Variants in CDH10 observed in about 807,000 individuals in gnomAD.
CDH10 encodes cadherin-10.
A neutral mutation model predicts 73.1 loss-of-function variants in CDH10; 30 were observed. The observed-to-expected ratio is 0.41, with a 90% CI of 0.31 to 0.56. The LOEUF is 0.56. Ranked by LOEUF, CDH10 falls within the 20% of genes least tolerant of loss-of-function variation. The pLI, the probability that CDH10 is intolerant of heterozygous loss-of-function variation, is 0.27. For synonymous variants in CDH10, 345 were observed against 348.2 expected, an observed-to-expected ratio of 0.99 and a Z score of 0.10; for missense variants, 815 against 973.7, an observed-to-expected ratio of 0.84 and a Z score of 2.17.
chr5:24,614,544 C>A (rs926735982), intron 1 of CDH10, among the ~76,000 whole-genome samples: 8 of 152,090 alleles, frequency 5.3e-5, no homozygotes, highest in African/African-American at 1.9e-4. Context: ...ATTGCAGAAG[C>A]CAATAAAATG....
intron 2 of CDH10, among the ~76,000 whole-genome samples, chr5:24,538,489 T>C (rs1744039682): frequency 6.6e-6 from 1 of 152,054 alleles, no homozygotes; most frequent in Non-Finnish European, 1.5e-5. Flanking sequence ...ATCAAAGAGC[T>C]TTGCATGCCT....
intron 2 of CDH10, among the ~76,000 whole-genome samples, chr5:24,579,505 C>A (rs35000708): frequency 6.6e-6 from 1 of 151,972 alleles, no homozygotes; most frequent in Non-Finnish European, 1.5e-5. Context: ...ACTTTTTCTC[C>A]CTGTATGCCC....
At chr5:24,517,061 T>C (rs550123649) in intron 5 of CDH10, among the ~76,000 whole-genome samples, 2 of 152,172 alleles carry the variant, frequency 1.3e-5, no homozygotes, top group East Asian at 1.9e-4. Context: ...AATCAACATA[T>C]CTGCATCCTT....
intron 1 of CDH10, among the ~76,000 whole-genome samples, chr5:24,628,261 T>G (rs371311829): frequency 3.3e-5 from 5 of 152,148 alleles, no homozygotes; most frequent in African/African-American, 9.7e-5. Flanking sequence ...CAGCATAGAC[T>G]AGAGACAATT....
At chr5:24,557,195 G>GTT (rs201105617) in intron 2 of CDH10, among the ~76,000 whole-genome samples, 1 of 60,060 alleles carries the variant, frequency 1.7e-5, no homozygotes, top group South Asian at 6.9e-4. Flanking sequence ...ATTAACATCA[G>GTT]TTTTTTTTAA....
At chr5:24,573,089 C>G (rs1159415071) in intron 2 of CDH10, among the ~76,000 whole-genome samples, 1 of 151,578 alleles carries the variant, frequency 6.6e-6, no homozygotes, top group Non-Finnish European at 1.5e-5. Flanking sequence ...TCTAACAAGA[C>G]TCCAAATATT....
At chr5:24,563,507 G>A (rs1194026472) in intron 2 of CDH10, among the ~76,000 whole-genome samples, 5 of 146,128 alleles carry the variant, frequency 3.4e-5, no homozygotes, top group Non-Finnish European at 7.4e-5. Context: ...TGTAATCCCA[G>A]CACTTTGGGA....
intron 1 of CDH10, among the ~76,000 whole-genome samples, chr5:24,619,394 C>T (rs1215062946): frequency 6.6e-6 from 1 of 152,060 alleles, no homozygotes; most frequent in Non-Finnish European, 1.5e-5. Context: ...GAGGTTTCAC[C>T]GTGTTAGCCA....
chr5:24,503,541 A>G (rs894151469), intron 8 of CDH10, among the ~76,000 whole-genome samples: 2 of 152,218 alleles, frequency 1.3e-5, no homozygotes, highest in Admixed American at 6.5e-5. Context: ...TCATTTTACA[A>G]TAGGCCCCAT....
intron 1 of CDH10, among the ~76,000 whole-genome samples, chr5:24,638,146 A>T (rs189398216): frequency 4.5e-4 from 68 of 151,866 alleles, no homozygotes; most frequent in Middle Eastern, 3.4e-3. Flanking sequence ...TTTTAGGAGT[A>T]TTTCATTTCT....
rs552269729 is a variant in CDH10, at chr5:24,546,172, T to C, written c.232-8498A>G. Among the ~76,000 whole-genome samples, 4 of 151,378 alleles carry C rather than the reference T, an allele frequency of 2.6e-5. No individual in the cohort carries two copies. The East Asian group carries it at 7.7e-4, about 29-fold the overall frequency. On this transcript the variant is annotated intron_variant, in intron 2 of 11. Transcript: ENST00000264463. ...TTTAAAAGGCTATGAATGCTATCCT[T>C]GAAAAAACTTGTGTGTGTGTGTGTG...
intron 11 of CDH10, among the ~76,000 whole-genome samples, chr5:24,490,744 T>A (rs1443159432): frequency 1.3e-5 from 2 of 152,306 alleles, no homozygotes; most frequent in East Asian, 3.9e-4. Flanking sequence ...CTACAATTTA[T>A]TATTGTCTGC....
chr5:24,534,428 A>G (rs1484716713), intron 5 of CDH10, among the ~76,000 whole-genome samples: 1 of 151,036 alleles, frequency 6.6e-6, no homozygotes, highest in Non-Finnish European at 1.5e-5. Flanking sequence ...GCGAGCAGAC[A>G]TGTAATCTAC....
At chr5:24,513,741 T>C (rs1505891) in intron 5 of CDH10, among the ~76,000 whole-genome samples, 144,869 of 152,146 alleles carry the variant, frequency 0.95, 69,059 homozygotes, top group East Asian at 1. Context: ...CAACTCTCAA[T>C]TCATTACTTT....
At chr5:24,591,940 T>C (rs1474203176) in intron 2 of CDH10, among the ~76,000 whole-genome samples, 1 of 151,902 alleles carries the variant, frequency 6.6e-6, no homozygotes, top group Non-Finnish European at 1.5e-5. Context: ...ATTTCAGTTA[T>C]TATCTTTCTA....
At chr5:24,517,335 C>T (rs1026519998) in intron 5 of CDH10, among the ~76,000 whole-genome samples, 3 of 152,152 alleles carry the variant, frequency 2.0e-5, no homozygotes, top group Non-Finnish European at 4.4e-5. Flanking sequence ...AGTAATACCA[C>T]TGTTTTCACA....
chr5:24,509,487 C>T (rs1285720983), intron 7 of CDH10, 79 bp downstream of exon 7: 6 of 1,307,690 alleles, frequency 4.6e-6, no homozygotes, highest in African/African-American at 1.5e-5. Context: ...GATCCACCCG[C>T]CTCGGCCTCC....
rs548610552 is a variant in CDH10 at position 24,611,666 on chromosome 5, C to A, written c.-123-18053G>T. 6.8e-4 allele frequency among the ~76,000 whole-genome samples: 103 copies of A among 152,148 alleles called. No homozygotes were observed. In the Middle Eastern group the frequency reaches 0.017, roughly 25 times the overall value. On this transcript the variant is annotated intron_variant, in intron 1 of 11. Coordinates refer to ENST00000264463, the MANE Select transcript of CDH10 (RefSeq NM_006727.5). The stretch of plus-strand genomic sequence containing the variant: ...TGGTCCCTTCCTCCTGGTATGCAAA[C>A]CCTATGTGATCCCATCTTCTTGCAT...
chr5:24,567,031 G>C (rs1470859112), intron 2 of CDH10, among the ~76,000 whole-genome samples: 1 of 151,972 alleles, frequency 6.6e-6, no homozygotes, highest in African/African-American at 2.4e-5. Flanking sequence ...GCAAACCTCA[G>C]AAACATCTTG....
Sources: allele counts gnomAD v4.1 joint callset (sites outside exome capture counted in the v4.1 genomes callset), GRCh38; gene constraint gnomAD v4.1.1; transcripts MANE v1.5; gene names NCBI Gene and HGNC (gene_info 2026-07-23, HGNC 2026-07-21).